Variants in SNX4 observed in about 807,000 individuals in gnomAD.
SNX4 encodes the protein sorting nexin-4.
Under a neutral mutation model 70.8 loss-of-function variants are expected in SNX4, and 49 were observed. That is an observed-to-expected ratio of 0.69 (90% CI 0.55 to 0.88). The LOEUF is 0.88. SNX4 is among the 40% of genes least tolerant of loss of function. SNX4 has a pLI of 0.00. For synonymous variants in SNX4, 206 were observed against 183.8 expected (o/e 1.12, Z -0.98); for missense variants, 528 against 544.8 (o/e 0.97, Z 0.31).
In SNX4 at chr3:125,453,965, A is replaced by G; in HGVS notation, c.1045-10T>C. 6.2e-7 allele frequency: 1 copy of G among 1,609,666 alleles called. No homozygotes were observed. Among genetic ancestry groups the G allele is most frequent in the Non-Finnish European group, 8.5e-7 (1 of 1,178,370 alleles). On this transcript the variant is annotated splice_polypyrimidine_tract_variant and intron_variant, in intron 11 of 13. Transcript: ENST00000251775. ...AGAATGTTCTCACAGTCTAAAAGGA[A>G]ACAGAAACAGATGAATGGATAAACA...
intron 1 of SNX4, among the ~76,000 whole-genome samples, chr3:125,519,319 GC>G (rs1372897019): frequency 2.0e-5 from 3 of 152,050 alleles, no homozygotes; most frequent in African/African-American, 7.2e-5. Context: ...TTTTCCTCAA[GC>G]AAATGAAAAT....
chr3:125,503,065 C>T (rs1210949828), intron 2 of SNX4, among the ~76,000 whole-genome samples: 2 of 151,786 alleles, frequency 1.3e-5, no homozygotes, highest in Non-Finnish European at 2.9e-5. Context: ...GACTACCACA[C>T]CTGGCTAATT....
chr3:125,507,191 GAAAAAAAAAA>G lies in SNX4; in HGVS notation c.142-2457_142-2448del, dbSNP rs753584700. ...CCACTGCACTCCAGCCTGGGTGATA[GAAAAAAAAAA>G]AAAAAAAAAAGAAACCAAAAAGAAA... On this transcript the variant is annotated intron_variant, in intron 1 of 13. Transcript: ENST00000251775. Among the ~76,000 whole-genome samples, 8 of 90,800 alleles carry G rather than the reference GAAAAAAAAAA, an allele frequency of 8.8e-5. No homozygotes were observed. The South Asian group carries it at 2.5e-3, about 29-fold the overall frequency. 59.6% of individuals were successfully genotyped at this position (90,800 alleles called of 152,430 possible). A position where few individuals can be genotyped will look rare whatever the true frequency, so the allele number is the denominator to read the frequency against.
At chr3:125,468,721 C>T (rs753117306) in intron 9 of SNX4, among the ~76,000 whole-genome samples, 1 of 151,972 alleles carries the variant, frequency 6.6e-6, no homozygotes. Context: ...TGGTGGCATG[C>T]ACCTGTAGTC....
intron 9 of SNX4, among the ~76,000 whole-genome samples, chr3:125,467,273 G>C (rs1043680238): frequency 2.6e-5 from 4 of 151,816 alleles, no homozygotes; most frequent in Non-Finnish European, 5.9e-5. Context: ...TGTAATCCCA[G>C]CTACTCGGGA....
At chr3:125,512,050 G>C (rs547437528) in intron 1 of SNX4, among the ~76,000 whole-genome samples, 1 of 152,182 alleles carries the variant, frequency 6.6e-6, no homozygotes, top group South Asian at 2.1e-4. Flanking sequence ...AGTCCTCAAG[G>C]CATTTTTATA....
intron 2 of SNX4, among the ~76,000 whole-genome samples, chr3:125,502,216 T>C (rs988996151): frequency 6.6e-6 from 1 of 152,186 alleles, no homozygotes; most frequent in African/African-American, 2.4e-5. Flanking sequence ...CACAGGGCCA[T>C]GATCTTTAAA....
chr3:125,512,241 C>T (rs1935188263), intron 1 of SNX4, among the ~76,000 whole-genome samples: 1 of 152,142 alleles, frequency 6.6e-6, no homozygotes, highest in South Asian at 2.1e-4. Flanking sequence ...TTCTGGCCCA[C>T]AGCCAAGCAG....
intron 6 of SNX4, among the ~76,000 whole-genome samples, chr3:125,485,777 A>T (rs542453742): frequency 6.6e-6 from 1 of 152,230 alleles, no homozygotes; most frequent in South Asian, 2.1e-4. Flanking sequence ...ATCATAAATG[A>T]CAGTCCACTC....
chr3:125,516,072 G>C (rs1205095869), intron 1 of SNX4, among the ~76,000 whole-genome samples: 1 of 152,128 alleles, frequency 6.6e-6, no homozygotes, highest in East Asian at 1.9e-4. Context: ...CAATGTGCAC[G>C]GGAATTTTTA....
chr3:125,482,997 T>G (rs1934449105), intron 6 of SNX4, among the ~76,000 whole-genome samples: 1 of 152,094 alleles, frequency 6.6e-6, no homozygotes, highest in South Asian at 2.1e-4. Flanking sequence ...GGTGTTACTC[T>G]CTGGGGAGGG....
intron 8 of SNX4, 86 bp downstream of exon 8, chr3:125,476,609 C>T (rs1934294606): frequency 2.4e-6 from 2 of 826,854 alleles, no homozygotes; most frequent in African/African-American, 3.5e-5. Context: ...AATCTTCTCT[C>T]CACACTCATA....
At chr3:125,496,103 A>G (rs1464849532) in intron 5 of SNX4, among the ~76,000 whole-genome samples, 1 of 152,152 alleles carries the variant, frequency 6.6e-6, no homozygotes, top group East Asian at 1.9e-4. Flanking sequence ...TAGCCTGGGC[A>G]ACATAGTGAG....
intron 5 of SNX4, among the ~76,000 whole-genome samples, chr3:125,494,686 T>C (rs553407699): frequency 5.3e-4 from 80 of 152,340 alleles, no homozygotes; most frequent in African/African-American, 1.8e-3. Flanking sequence ...ATGAATTCAG[T>C]ATTTTGAACA....
intron 11 of SNX4, 32 bp downstream of exon 11, chr3:125,457,234 G>A (rs79644183): frequency 0.021 from 30,037 of 1,450,898 alleles, 821 homozygotes; most frequent in African/African-American, 0.095. Context: ...TGTTGCTACA[G>A]TATCATCAGA....
At chr3:125,519,970 C>T in intron 1 of SNX4, 62 bp downstream of exon 1, 1 of 1,423,830 alleles carries the variant, frequency 7.0e-7, no homozygotes, top group Admixed American at 2.7e-5. Flanking sequence ...CCCAGCCCAG[C>T]CCAGCCCGGC....
chr3:125,503,398 T>A (rs1321256123), intron 2 of SNX4, among the ~76,000 whole-genome samples: 1 of 152,200 alleles, frequency 6.6e-6, no homozygotes, highest in African/African-American at 2.4e-5. Flanking sequence ...CAACTCTAAT[T>A]CCTTTAGCTT....
chr3:125,454,689 T>C (rs1303975024), intron 11 of SNX4, among the ~76,000 whole-genome samples: 1 of 152,194 alleles, frequency 6.6e-6, no homozygotes, highest in South Asian at 2.1e-4. Flanking sequence ...TACTGAACTA[T>C]ATACTTAAAA....
At chr3:125,467,804 T>C (rs1934072763) in intron 9 of SNX4, among the ~76,000 whole-genome samples, 1 of 152,194 alleles carries the variant, frequency 6.6e-6, no homozygotes, top group Admixed American at 6.5e-5. Flanking sequence ...AGTAAATTAG[T>C]TCAGCCACTG....
Sources: gnomAD v4.1 joint callset for allele counts (sites outside exome capture counted in the v4.1 genomes callset) on GRCh38, gnomAD v4.1.1 for gene constraint, MANE v1.5 for transcripts, NCBI Gene and HGNC (gene_info 2026-07-23, HGNC 2026-07-21) for gene names.